TLN2: variants seen among roughly 807,000 people sequenced by gnomAD.
The protein encoded by TLN2 is talin-2.
TLN2 carries 118 observed loss-of-function variants against 294.7 expected under a neutral mutation model. The observed-to-expected ratio is 0.40, with a 90% CI of 0.34 to 0.47. The LOEUF (loss-of-function observed/expected upper bound fraction) is 0.47, where lower values mean the gene tolerates loss of function less well. Among genes scored for constraint, TLN2 ranks in the 20% least tolerant of loss-of-function variants. The pLI is 0.84. For missense variants in TLN2, 3,083 were observed against 3,282.2 expected (o/e 0.94, Z 1.48); for synonymous variants, 1,431 against 1,304.5 (o/e 1.10, Z -2.09).
intron 1 of TLN2, among the ~76,000 whole-genome samples, chr15:62,549,132 A>G (rs2042149603): frequency 6.6e-6 from 1 of 152,118 alleles, no homozygotes; most frequent in Non-Finnish European, 1.5e-5. Flanking sequence ...TTGAGACCCT[A>G]CGGAGTGTAA....
intron 1 of TLN2, among the ~76,000 whole-genome samples, chr15:62,543,671 C>A (rs1417188747): frequency 1.3e-5 from 2 of 150,580 alleles, no homozygotes; most frequent in African/African-American, 4.9e-5. Context: ...AGAAGAGTTG[C>A]TTGAACCCAG....
Position 62,461,565 on chromosome 15 carries a change from T to G in TLN2, c.-238+70880T>G, listed in dbSNP as rs189493185. 2.0e-4 allele frequency among the ~76,000 whole-genome samples: 31 copies of G among 152,366 alleles called. 1 individual carries two copies. The highest frequency in any genetic ancestry group is 1.8e-3 in the Admixed American group (27 of 15,308). ...TGTTTGCTTTGCTTTTCCTAGTGCA[T>G]TCATTTATTGAGTAAATAGTTACTG... On this transcript the variant is annotated intron_variant, in intron 1 of 58. Transcript: ENST00000636159.
chr15:62,548,587 A>C (rs1394447445), intron 1 of TLN2, among the ~76,000 whole-genome samples: 2 of 152,174 alleles, frequency 1.3e-5, no homozygotes, highest in Non-Finnish European at 2.9e-5. Flanking sequence ...CATAACCATC[A>C]AACAAAAGAC....
chr15:62,503,916 GTAT>G (rs1199303066), intron 1 of TLN2, among the ~76,000 whole-genome samples: 1 of 152,070 alleles, frequency 6.6e-6, no homozygotes, highest in East Asian at 1.9e-4. Context: ...GAACTGTACA[GTAT>G]CAAAGACCCT....
chr15:62,400,928 G>A (rs1336620965), intron 1 of TLN2, among the ~76,000 whole-genome samples: 1 of 149,504 alleles, frequency 6.7e-6, no homozygotes, highest in Admixed American at 6.8e-5. Flanking sequence ...CCGTTGTCCT[G>A]CCTTAGCCAC....
intron 28 of TLN2, among the ~76,000 whole-genome samples, chr15:62,736,359 G>A (rs931887596): frequency 7.2e-5 from 11 of 151,806 alleles, no homozygotes; most frequent in African/African-American, 2.4e-4. Context: ...GGTAATAGAC[G>A]TTAGAATGGT....
At chr15:62,839,853 ACCCTG>A (rs2141271479) in intron 58 of TLN2, among the ~76,000 whole-genome samples, 1 of 152,320 alleles carries the variant, frequency 6.6e-6, no homozygotes, top group Non-Finnish European at 1.5e-5. Flanking sequence ...GCATTCAATA[ACCCTG>A]CCCTGGTAAT....
intron 46 of TLN2, among the ~76,000 whole-genome samples, chr15:62,795,312 T>A (rs1051243958): frequency 6.6e-6 from 1 of 151,856 alleles, no homozygotes; most frequent in African/African-American, 2.4e-5. Flanking sequence ...GCGGGTGTGG[T>A]GAGAGCCAGG....
At chr15:62,699,048 G>A (rs2058544184) in intron 16 of TLN2, among the ~76,000 whole-genome samples, 181 bp downstream of exon 16, 1 of 152,108 alleles carries the variant, frequency 6.6e-6, no homozygotes. Context: ...GAATCATAGG[G>A]TACTGCTGGC....
intron 27 of TLN2, 58 bp downstream of exon 27, chr15:62,725,162 T>A (rs999345286): frequency 6.5e-7 from 1 of 1,549,980 alleles, no homozygotes; most frequent in Admixed American, 1.9e-5. Flanking sequence ...CGTTATTAAA[T>A]TGTTTGTTGT....
intron 54 of TLN2, chr15:62,823,926 C>T (rs373692084): frequency 3.8e-6 from 2 of 522,136 alleles, no homozygotes; most frequent in Non-Finnish European, 7.9e-6. Context: ...TGTGCCTAGT[C>T]TCGAGCTCAG....
chr15:62,819,428 A>T, intron 52 of TLN2, 88 bp from the exon 53 acceptor site: 1 of 1,104,542 alleles, frequency 9.1e-7, no homozygotes, highest in Non-Finnish European at 1.4e-6. Flanking sequence ...AGGCTGCCTG[A>T]CTCCACATCC....
chr15:62,506,299 G>A (rs2039619847), intron 1 of TLN2, among the ~76,000 whole-genome samples: 1 of 152,180 alleles, frequency 6.6e-6, no homozygotes, highest in Non-Finnish European at 1.5e-5. Context: ...GCTACCCTCT[G>A]GGAAACTGGA....
intron 1 of TLN2, among the ~76,000 whole-genome samples, chr15:62,492,329 C>A (rs144923887): frequency 6.6e-6 from 1 of 151,858 alleles, no homozygotes; most frequent in South Asian, 2.1e-4. Flanking sequence ...GACGCCAAGG[C>A]GGGTGGATCA....
chr15:62,530,651 G>A (rs1240570108), intron 1 of TLN2, among the ~76,000 whole-genome samples: 1 of 152,152 alleles, frequency 6.6e-6, no homozygotes, highest in Non-Finnish European at 1.5e-5. Context: ...CACCATGCCC[G>A]GCCCTAGAAA....
chr15:62,398,372 A>G (rs1007572718), intron 1 of TLN2, among the ~76,000 whole-genome samples: 3 of 152,152 alleles, frequency 2.0e-5, no homozygotes, highest in African/African-American at 4.8e-5. Context: ...TTGTGACTCA[A>G]TTAAACCTGT....
Position 62,647,275 on chromosome 15 carries a change from A to G in TLN2, c.-36A>G. Reference sequence around the variant, plus strand: ...GGGTTTGTCTCTTTGTGTTTTCCAGACATTCTAAGTGAGACTGTCCACATC... The same window carrying G: ...GGGTTTGTCTCTTTGTGTTTTCCAGGCATTCTAAGTGAGACTGTCCACATC... On this transcript the variant is annotated splice_region_variant and 5_prime_UTR_variant, in exon 4 of 59. Transcript: ENST00000636159. 2 of 1,588,628 alleles carry G rather than the reference A, an allele frequency of 1.3e-6. No homozygotes were observed. Among genetic ancestry groups the G allele is most frequent in the Non-Finnish European group, 1.7e-6 (2 of 1,164,050 alleles).
At chr15:62,746,971 G>A (rs938269536) in intron 32 of TLN2, among the ~76,000 whole-genome samples, 1 of 152,106 alleles carries the variant, frequency 6.6e-6, no homozygotes, top group Non-Finnish European at 1.5e-5. Context: ...AAGACAGCGT[G>A]GTATCGACAA....
chr15:62,441,545 G>A (rs1326580354), intron 1 of TLN2, among the ~76,000 whole-genome samples: 1 of 152,158 alleles, frequency 6.6e-6, no homozygotes, highest in Non-Finnish European at 1.5e-5. Context: ...TGTCTGTTGG[G>A]GCGGGAGGAC....
Sources: gnomAD v4.1 joint callset for allele counts (sites outside exome capture counted in the v4.1 genomes callset) on GRCh38, gnomAD v4.1.1 for gene constraint, MANE v1.5 for transcripts, NCBI Gene and HGNC (gene_info 2026-07-23, HGNC 2026-07-21) for gene names.